The following RNGTT variants were observed in gnomAD, a reference collection of about 807,000 sequenced individuals.
The protein encoded by RNGTT is mRNA-capping enzyme.
A neutral mutation model predicts 79.3 loss-of-function variants in RNGTT; 33 were observed. The ratio of observed to expected loss-of-function variants is 0.42; its 90% CI spans 0.32 to 0.56. RNGTT has a LOEUF of 0.56. Among genes scored for constraint, RNGTT ranks in the 20% least tolerant of loss-of-function variants. RNGTT has a pLI of 0.17. For missense variants in RNGTT, 497 were observed against 739.1 expected (o/e 0.67, Z 3.80); for synonymous variants, 222 against 235.9 (o/e 0.94, Z 0.54).
intron 8 of RNGTT, among the ~76,000 whole-genome samples, chr6:88,859,897 A>C (rs776766693): frequency 6.6e-6 from 1 of 152,218 alleles, no homozygotes; most frequent in Admixed American, 6.5e-5. Context: ...TGTAGGTTGC[A>C]AAGTCCCAGC....
chr6:88,881,621 C>T (rs1782695568), intron 8 of RNGTT, among the ~76,000 whole-genome samples: 1 of 152,158 alleles, frequency 6.6e-6, no homozygotes, highest in Non-Finnish European at 1.5e-5. Context: ...GTGAGACAGA[C>T]AGGCAGGCAG....
At chr6:88,652,246 T>C (rs1773824348) in intron 14 of RNGTT, among the ~76,000 whole-genome samples, 1 of 152,176 alleles carries the variant, frequency 6.6e-6, no homozygotes, top group Admixed American at 6.5e-5. Context: ...TAATGCTGAC[T>C]TCTATTTTCA....
chr6:88,720,707 T>A (rs1203999585), intron 13 of RNGTT, among the ~76,000 whole-genome samples: 1 of 152,146 alleles, frequency 6.6e-6, no homozygotes, highest in African/African-American at 2.4e-5. Context: ...AGAAAAGTAC[T>A]ATCGAACAGA....
chr6:88,619,641 T>C (rs1008172054), intron 14 of RNGTT, among the ~76,000 whole-genome samples: 8 of 151,710 alleles, frequency 5.3e-5, no homozygotes, highest in African/African-American at 2.0e-4. Flanking sequence ...AGACTATAAA[T>C]AAATTTTTGT....
chr6:88,906,522 A>C, intron 4 of RNGTT, 82 bp from the exon 5 acceptor site: 1 of 722,394 alleles, frequency 1.4e-6, no homozygotes, highest in Non-Finnish European at 2.3e-6. Flanking sequence ...CCTGCAATCA[A>C]AACATTTCAG....
At chr6:88,717,618 G>T (rs1469199504) in intron 13 of RNGTT, among the ~76,000 whole-genome samples, 2 of 152,134 alleles carry the variant, frequency 1.3e-5, no homozygotes, top group African/African-American at 2.4e-5. Context: ...TTTTCTTTTT[G>T]TCTCATGTAT....
chr6:88,941,998 G>A (rs927473690), intron 1 of RNGTT, among the ~76,000 whole-genome samples: 1 of 151,654 alleles, frequency 6.6e-6, no homozygotes, highest in Non-Finnish European at 1.5e-5. Context: ...TTTTTTTGCT[G>A]GGGGGAGCAC....
At chr6:88,774,379 T>C (rs1197329808) in intron 12 of RNGTT, among the ~76,000 whole-genome samples, 1 of 152,002 alleles carries the variant, frequency 6.6e-6, no homozygotes, top group South Asian at 2.1e-4. Context: ...GATAGAAATG[T>C]GAAATGGTGC....
intron 8 of RNGTT, among the ~76,000 whole-genome samples, chr6:88,880,168 T>C (rs1352073601): frequency 2.1e-5 from 3 of 143,028 alleles, no homozygotes; most frequent in Non-Finnish European, 4.5e-5. Context: ...AAGTTTCCAA[T>C]ATAATTTCTG....
chr6:88,749,221 G>C (rs1777764088), intron 13 of RNGTT, among the ~76,000 whole-genome samples: 1 of 151,930 alleles, frequency 6.6e-6, no homozygotes, highest in African/African-American at 2.4e-5. Flanking sequence ...AGTAATAGAA[G>C]GAACACACAG....
intron 14 of RNGTT, among the ~76,000 whole-genome samples, chr6:88,660,306 G>T (rs1340126488): frequency 6.6e-6 from 1 of 152,112 alleles, no homozygotes; most frequent in Admixed American, 6.5e-5. Context: ...TCACATCTCA[G>T]TACTAACATT....
At chr6:88,791,895 GT>G (rs1779434616) in intron 12 of RNGTT, among the ~76,000 whole-genome samples, 1 of 151,960 alleles carries the variant, frequency 6.6e-6, no homozygotes, top group African/African-American at 2.4e-5. Flanking sequence ...CTTTAAAATA[GT>G]TCACTCTAAA....
At chr6:88,696,776 A>C (rs1775688280) in intron 13 of RNGTT, among the ~76,000 whole-genome samples, 1 of 152,190 alleles carries the variant, frequency 6.6e-6, no homozygotes, top group African/African-American at 2.4e-5. Flanking sequence ...CAAGTAAGAA[A>C]ATTGACTATG....
chr6:88,669,097 G>A (rs367882282), intron 14 of RNGTT, among the ~76,000 whole-genome samples: 5 of 152,250 alleles, frequency 3.3e-5, no homozygotes, highest in African/African-American at 1.2e-4. Context: ...CTGGAAGACA[G>A]GAGAAAATGT....
chr6:88,614,206 A>G (rs1004016942), intron 15 of RNGTT, 66 bp downstream of exon 15: 61 of 1,509,908 alleles, frequency 4.0e-5, no homozygotes, highest in Non-Finnish European at 5.6e-5. Context: ...AAGGCAGCAC[A>G]CTTTGGGTCT....
At chr6:88,657,118 A>G (rs924743230) in intron 14 of RNGTT, among the ~76,000 whole-genome samples, 12 of 152,200 alleles carry the variant, frequency 7.9e-5, no homozygotes, top group African/African-American at 2.9e-4. Flanking sequence ...ACATACCAGG[A>G]AAACCAAAAG....
At chr6:88,871,901 T>G (rs186909511) in intron 8 of RNGTT, among the ~76,000 whole-genome samples, 1 of 151,526 alleles carries the variant, frequency 6.6e-6, no homozygotes, top group South Asian at 2.1e-4. Context: ...AAAAGACCAT[T>G]CCCCCCCATA....
chr6:88,694,551 T>C (rs1399334177), intron 13 of RNGTT, among the ~76,000 whole-genome samples: 4 of 151,962 alleles, frequency 2.6e-5, no homozygotes, highest in Non-Finnish European at 5.9e-5. Flanking sequence ...ACAATCCCTA[T>C]CGAAATTACA....
intron 1 of RNGTT, among the ~76,000 whole-genome samples, chr6:88,953,719 C>T (rs148398448): frequency 2.0e-5 from 3 of 152,296 alleles, no homozygotes; most frequent in African/African-American, 7.2e-5. Context: ...AGAGCTGTGA[C>T]ACAATAGCCT....
Sources: allele counts gnomAD v4.1 joint callset (sites outside exome capture counted in the v4.1 genomes callset), GRCh38; gene constraint gnomAD v4.1.1; transcripts MANE v1.5; gene names NCBI Gene and HGNC (gene_info 2026-07-23, HGNC 2026-07-21).